MYO16: variants seen among roughly 807,000 people sequenced by gnomAD.
MYO16 encodes unconventional myosin-XVI.
Under a neutral mutation model 205.3 loss-of-function variants are expected in MYO16, and 94 were observed. The observed-to-expected ratio is 0.46, with a 90% CI of 0.39 to 0.54. The LOEUF (loss-of-function observed/expected upper bound fraction) is 0.54. MYO16 is among the 20% of genes least tolerant of loss of function. The pLI, the probability that MYO16 is intolerant of heterozygous loss-of-function variation, is 0.00. For synonymous variants in MYO16, 988 were observed against 954.0 expected (o/e 1.04, Z -0.66); for missense variants, 2,315 against 2,387.5 (o/e 0.97, Z 0.63).
At chr13:108,585,418 G>A in the MYO16 span, among the ~76,000 whole-genome samples, 10 of 152,354 alleles carry the variant, frequency 6.6e-5, no homozygotes, top group African/African-American at 2.4e-4. Flanking sequence ...AATGCTCAGG[G>A]TGAAGATAAA....
At chr13:108,785,195 G>A (rs1033185231) in intron 4 of MYO16, among the ~76,000 whole-genome samples, 1 of 152,178 alleles carries the variant, frequency 6.6e-6, no homozygotes, top group African/African-American at 2.4e-5. Flanking sequence ...AGAAAAAGGA[G>A]GTTAAAGATT....
chr13:108,586,399 CA>C, the MYO16 span, among the ~76,000 whole-genome samples: 16 of 151,338 alleles, frequency 1.1e-4, no homozygotes, highest in Admixed American at 7.2e-4. Context: ...ATATTAAATT[CA>C]AAAAAAATAT....
At chr13:108,734,785 T>G (rs7322460) in intron 4 of MYO16, among the ~76,000 whole-genome samples, 12 of 152,190 alleles carry the variant, frequency 7.9e-5, no homozygotes, top group South Asian at 2.1e-4. Context: ...TCAAGCTTTC[T>G]GGAAGGTATC....
At chr13:108,524,706 T>G in the MYO16 span, among the ~76,000 whole-genome samples, 1 of 152,174 alleles carries the variant, frequency 6.6e-6, no homozygotes, top group Admixed American at 6.6e-5. Flanking sequence ...ACCCCCATCA[T>G]TCTCCACTAT....
chr13:108,848,174 A>G (rs1405144902), intron 10 of MYO16, among the ~76,000 whole-genome samples: 2 of 152,112 alleles, frequency 1.3e-5, no homozygotes, highest in East Asian at 3.9e-4. Flanking sequence ...TCATTATTAT[A>G]TAGACTGACT....
intron 27 of MYO16, among the ~76,000 whole-genome samples, chr13:109,071,252 C>T (rs1887916801): frequency 6.6e-6 from 1 of 152,004 alleles, no homozygotes; most frequent in Non-Finnish European, 1.5e-5. Context: ...GACAAAACAT[C>T]TATTTTTTAT....
intron 2 of MYO16, among the ~76,000 whole-genome samples, chr13:108,692,644 C>A (rs375286912): frequency 6.6e-6 from 1 of 152,116 alleles, no homozygotes; most frequent in African/African-American, 2.4e-5. Context: ...ATGTGTCACA[C>A]GGCGCATATC....
At chr13:108,967,302 A>G (rs1883834022) in intron 20 of MYO16, among the ~76,000 whole-genome samples, 2 of 152,152 alleles carry the variant, frequency 1.3e-5, no homozygotes, top group African/African-American at 2.4e-5. Context: ...CGATGGATTC[A>G]TTTCTTGGAT....
At chr13:108,573,678 A>G in the MYO16 span, among the ~76,000 whole-genome samples, 1 of 152,182 alleles carries the variant, frequency 6.6e-6, no homozygotes, top group Non-Finnish European at 1.5e-5. Flanking sequence ...TGATCTCCTC[A>G]CCAGACTTCA....
At chr13:108,976,297 A>T (rs1255408761) in intron 20 of MYO16, among the ~76,000 whole-genome samples, 1 of 152,140 alleles carries the variant, frequency 6.6e-6, no homozygotes, top group African/African-American at 2.4e-5. Context: ...TGTATGTTTT[A>T]TCAATTGCTG....
chr13:108,991,275 T>C (rs1264880601), intron 20 of MYO16, among the ~76,000 whole-genome samples: 6 of 152,202 alleles, frequency 3.9e-5, no homozygotes, highest in African/African-American at 1.2e-4. Context: ...GGGCCTGTCT[T>C]ACATCTTTCC....
intron 4 of MYO16, chr13:108,779,530 C>T (rs780553032): frequency 5.3e-5 from 8 of 152,168 alleles, no homozygotes; most frequent in Non-Finnish European, 7.3e-5. Flanking sequence ...CAGCTGTGAC[C>T]ACAGGGTGGC....
intron 2 of MYO16, among the ~76,000 whole-genome samples, chr13:108,674,878 TAAGG>T (rs952976075): frequency 3.2e-4 from 48 of 152,314 alleles, no homozygotes; most frequent in African/African-American, 1.2e-3. Context: ...CAGCCTGTCC[TAAGG>T]AAGAAATGGG....
intron 28 of MYO16, among the ~76,000 whole-genome samples, chr13:109,108,595 C>T (rs941053302): frequency 3.3e-5 from 5 of 152,204 alleles, no homozygotes; most frequent in African/African-American, 9.7e-5. Flanking sequence ...TTAGGCAAGG[C>T]AATTGCGATG....
intron 4 of MYO16, among the ~76,000 whole-genome samples, chr13:108,758,520 G>C (rs1885495231): frequency 6.6e-6 from 1 of 152,102 alleles, no homozygotes; most frequent in African/African-American, 2.4e-5. Context: ...AAGAGAAAAG[G>C]AGCAAGTCAT....
upstream of MYO16, among the ~76,000 whole-genome samples, chr13:108,593,199 G>A (rs1878450443): frequency 6.6e-6 from 1 of 152,300 alleles, no homozygotes; most frequent in South Asian, 2.1e-4. Context: ...TTTATTAGCA[G>A]TAATTTAGTG....
At chr13:108,824,675 T>A (rs536043464) in intron 9 of MYO16, among the ~76,000 whole-genome samples, 2 of 152,222 alleles carry the variant, frequency 1.3e-5, no homozygotes, top group Admixed American at 1.3e-4. Context: ...ATACATATTC[T>A]TTTCAATTGA....
At chr13:109,105,801 C>T (rs1251810316) in intron 28 of MYO16, among the ~76,000 whole-genome samples, 2 of 152,156 alleles carry the variant, frequency 1.3e-5, no homozygotes, top group Non-Finnish European at 2.9e-5. Flanking sequence ...GAATCTTGTG[C>T]CCTTTTTCAT....
At chr13:109,091,742 T>C (rs1888630977) in intron 27 of MYO16, among the ~76,000 whole-genome samples, 1 of 152,216 alleles carries the variant, frequency 6.6e-6, no homozygotes, top group Admixed American at 6.5e-5. Context: ...AATAGGTAAC[T>C]CCTACGATAT....
Sources: gnomAD v4.1 joint callset for allele counts (sites outside exome capture counted in the v4.1 genomes callset) on GRCh38, gnomAD v4.1.1 for gene constraint, MANE v1.5 for transcripts, NCBI Gene and HGNC (gene_info 2026-07-23, HGNC 2026-07-21) for gene names.